The following CACNA1A variants were observed in gnomAD, a reference collection of about 807,000 sequenced individuals.
CACNA1A encodes the protein voltage-dependent P/Q-type calcium channel subunit alpha-1A.
In CACNA1A, 57 loss-of-function variants were observed where a neutral mutation model predicts 262.4. That is an observed-to-expected ratio of 0.22 (90% CI 0.18 to 0.27). The LOEUF is 0.27. Among genes scored for constraint, CACNA1A ranks in the 10% least tolerant of loss-of-function variants. The pLI is 1.00. For missense variants in CACNA1A, 2,526 were observed against 3,562.8 expected, an observed-to-expected ratio of 0.71 and a Z score of 7.41; for synonymous variants, 1,431 against 1,419.3, an observed-to-expected ratio of 1.01 and a Z score of -0.18.
chr19:13,291,778 G>A (rs1449736714), intron 19 of CACNA1A, among the ~76,000 whole-genome samples: 1 of 151,968 alleles, frequency 6.6e-6, no homozygotes, highest in Non-Finnish European at 1.5e-5. Context: ...CTGCACTCCA[G>A]CCTGGGTAAC....
chr19:13,404,142 T>C (rs1012188943), intron 3 of CACNA1A, among the ~76,000 whole-genome samples: 2 of 151,950 alleles, frequency 1.3e-5, no homozygotes, highest in East Asian at 3.9e-4. Flanking sequence ...CAGAACAGGT[T>C]CATAGGCACA....
At chr19:13,233,783 A>ACCTGGCCCTATTC (rs1220079400) in intron 34 of CACNA1A, among the ~76,000 whole-genome samples, 1 of 152,136 alleles carries the variant, frequency 6.6e-6, no homozygotes, top group Non-Finnish European at 1.5e-5. Context: ...GAGTCACTGC[A>ACCTGGCCCTATTC]CCTGGCCCTA....
rs1287792057 is a variant in CACNA1A, at chr19:13,235,190, T to G, written c.5133+19A>C. 1 of 1,606,802 alleles carries G rather than the reference T, an allele frequency of 6.2e-7. No individual in the cohort carries two copies. The stretch of plus-strand genomic sequence containing the variant: ...CCCTCCTTGGGAGGCTCTGGGAACC[T>G]TAGGGACACGACACTCACCTGCATC... On this transcript the variant is annotated intron_variant, in intron 33 of 46. Transcript: ENST00000360228.
chr19:13,358,374 T>C (rs2059043793), intron 6 of CACNA1A, among the ~76,000 whole-genome samples: 1 of 152,240 alleles, frequency 6.6e-6, no homozygotes, highest in Admixed American at 6.5e-5. Flanking sequence ...CAGACCTGCC[T>C]GGGCAACACG....
intron 3 of CACNA1A, among the ~76,000 whole-genome samples, chr19:13,393,809 CCTCT>C (rs150142387): frequency 0.012 from 1,251 of 102,542 alleles, 24 homozygotes; most frequent in African/African-American, 0.033. Context: ...CTCCCTCCTT[CCTCT>C]CTCTCTCTCT....
intron 3 of CACNA1A, among the ~76,000 whole-genome samples, chr19:13,425,539 C>A (rs758937929): frequency 7.2e-5 from 11 of 152,170 alleles, no homozygotes; most frequent in African/African-American, 9.7e-5. Flanking sequence ...GAGGAAGTTA[C>A]TTTGGCACTT....
chr19:13,294,043 C>CTGT (rs2057603913), intron 19 of CACNA1A, among the ~76,000 whole-genome samples: 1 of 151,996 alleles, frequency 6.6e-6, no homozygotes, highest in South Asian at 2.1e-4. Context: ...AACAGTAGAT[C>CTGT]TGTTAATAAG....
rs1491475435 is a variant in CACNA1A, at chr19:13,212,848, A to ACACACACACT, written c.5941-109_5941-108insAGTGTGTGTG. On this transcript the variant is annotated intron_variant, in intron 40 of 46. Transcript: ENST00000360228. The surrounding 1 kb of genome is among the most constrained non-coding windows in gnomAD (Gnocchi z 5.6). ...AGTATACACACACACACACACACAC[A>ACACACACACT]CTCTCTCAGGTCTCATCCATCTAGA... The ACACACACACT allele has an allele frequency of 5.0e-5, 27 of 542,142 alleles. No individual in the cohort carries two copies. In the African/African-American group the frequency reaches 5.1e-4, roughly 10 times the overall value. The allele number at this position is 542,142 out of a possible 1,614,324, so 33.6% of individuals were successfully genotyped here. A position where few individuals can be genotyped will look rare whatever the true frequency, so the allele number is the denominator to read the frequency against.
chr19:13,216,487 G>C (rs2055015054), intron 38 of CACNA1A, among the ~76,000 whole-genome samples: 1 of 151,958 alleles, frequency 6.6e-6, no homozygotes, highest in African/African-American at 2.4e-5. Context: ...ACAGACATCT[G>C]CCTGGCTATT....
Position 13,330,284 on chromosome 19 carries a change from G to A in CACNA1A, c.1305C>T (p.Pro435=), listed in dbSNP as rs376451601. Reference sequence around the variant, plus strand: ...CAGCCAGCTGATCCTCAGCCTCTTCGGGGTTGAGCAAATCTGTCTTGCTTT... The same window carrying A: ...CAGCCAGCTGATCCTCAGCCTCTTCAGGGTTGAGCAAATCTGTCTTGCTTT... The part of the protein sequence containing the change: ...IKKSKTDLLN[P]EEAEDQLADI... The change falls in exon 10 of 47, where the codon CCC becomes CCT. Residue 435 remains proline, a synonymous_variant. Transcript: ENST00000360228. 128 of 1,563,344 alleles carry A rather than the reference G, an allele frequency of 8.2e-5. No homozygotes were observed. The highest frequency in any genetic ancestry group is 1.7e-4 in the Middle Eastern group (1 of 6,022).
At chr19:13,461,473 G>T (rs1050980219) in intron 1 of CACNA1A, among the ~76,000 whole-genome samples, 3 of 152,224 alleles carry the variant, frequency 2.0e-5, no homozygotes, top group African/African-American at 7.2e-5. Context: ...CCATGAGCAT[G>T]TTAAGGACAC....
chr19:13,502,588 T>C (rs1232972903), intron 1 of CACNA1A, among the ~76,000 whole-genome samples: 1 of 152,140 alleles, frequency 6.6e-6, no homozygotes, highest in Admixed American at 6.5e-5. Context: ...AATGAAAACA[T>C]GAAACCAAGG....
chr19:13,374,084 G>A (rs146604331), intron 3 of CACNA1A, among the ~76,000 whole-genome samples: 8 of 152,236 alleles, frequency 5.3e-5, no homozygotes, highest in African/African-American at 1.9e-4. Flanking sequence ...AACTTTCCAG[G>A]CTGAGAGTGG....
At position 13,299,233 on chromosome 19, in the gene CACNA1A, G is replaced by T; in HGVS notation, c.2400C>A (p.Asp800Glu). Reference sequence around the variant, plus strand: ...GCGTGTAGGCAGCCTTCCAGCGCTCGTCCGGGTCCATTTCGTTATACAGGG... The same window carrying T: ...GCGTGTAGGCAGCCTTCCAGCGCTCTTCCGGGTCCATTTCGTTATACAGGG... The part of the protein sequence containing the change: ...REALYNEMDP[D>E]ERWKAAYTRH... Residue 800 changes from aspartate to glutamate, a missense_variant, in exon 19 of 47, where the codon GAC becomes GAA. By Grantham distance (45) the Asp-to-Glu change is conservative. Around this residue, in one of 17 missense-constraint regions of CACNA1A, gnomAD observed 765 missense variants for 748.6 expected, o/e 1.02. Transcript: ENST00000360228. 6.2e-7 allele frequency: 1 copy of T among 1,610,102 alleles called. No individual in the cohort carries two copies.
intron 6 of CACNA1A, among the ~76,000 whole-genome samples, chr19:13,344,221 C>CAAAAAAAAAAAA (rs35162704): frequency 8.2e-6 from 1 of 121,316 alleles, no homozygotes; most frequent in African/African-American, 3.2e-5. Flanking sequence ...CTCAAAAAAG[C>CAAAAAAAAAAAA]AAAAAAAAAA....
At chr19:13,299,402 T>G in intron 18 of CACNA1A, 49 bp from the exon 19 acceptor site, 1 of 1,546,042 alleles carries the variant, frequency 6.5e-7, no homozygotes, top group African/African-American at 1.4e-5. Context: ...GCACTGTAGC[T>G]TGGATGGATG....
chr19:13,210,752 A>C (rs574358000), intron 43 of CACNA1A, 100 bp from the exon 44 acceptor site: 6 of 1,245,054 alleles, frequency 4.8e-6, no homozygotes, highest in African/African-American at 4.5e-5. Context: ...CATGGAGAAG[A>C]AGCCAAGGAG....
At chr19:13,478,389 C>G (rs547137182) in intron 1 of CACNA1A, among the ~76,000 whole-genome samples, 2 of 152,244 alleles carry the variant, frequency 1.3e-5, no homozygotes, top group East Asian at 3.9e-4. Context: ...GACGCGATCA[C>G]TCACTGCGGT....
intron 3 of CACNA1A, among the ~76,000 whole-genome samples, chr19:13,426,325 T>C (rs1417860901): frequency 6.6e-6 from 1 of 152,168 alleles, no homozygotes; most frequent in Non-Finnish European, 1.5e-5. Flanking sequence ...AAAATACCTA[T>C]AGAACAATTC....
Sources: gnomAD v4.1 joint callset for allele counts (sites outside exome capture counted in the v4.1 genomes callset) on GRCh38, gnomAD v4.1.1 for gene constraint, gnomAD v4.1.1 regional missense constraint, Gnocchi (gnomAD v3.1) non-coding constraint, MANE v1.5 for transcripts, NCBI Gene and HGNC (gene_info 2026-07-23, HGNC 2026-07-21) for gene names.